The following CACNG2 variants were observed in gnomAD, a reference collection of about 807,000 sequenced individuals.
CACNG2 encodes the protein voltage-dependent calcium channel gamma-2 subunit.
In CACNG2, 3 loss-of-function variants were observed where a neutral mutation model predicts 25.9. The ratio of observed to expected loss-of-function variants is 0.12; its 90% CI spans 0.05 to 0.30. The LOEUF is 0.30. Among genes scored for constraint, CACNG2 ranks in the 10% least tolerant of loss-of-function variants. The probability of loss-of-function intolerance (pLI) is 1.00; values close to 1 mark genes in which losing one functional copy is unlikely to be tolerated. For synonymous variants in CACNG2, 167 were observed against 173.3 expected, an observed-to-expected ratio of 0.96 and a Z score of 0.29; for missense variants, 341 against 432.5, an observed-to-expected ratio of 0.79 and a Z score of 1.88.
At chr22:36,655,568 G>A (rs966096137) in intron 1 of CACNG2, among the ~76,000 whole-genome samples, 9 of 152,232 alleles carry the variant, frequency 5.9e-5, no homozygotes, top group African/African-American at 2.2e-4. Context: ...AGCTAAGACT[G>A]TGGTGGCTGG....
intron 1 of CACNG2, among the ~76,000 whole-genome samples, chr22:36,643,410 C>G (rs1017667852): frequency 2.0e-5 from 3 of 151,936 alleles, no homozygotes; most frequent in Non-Finnish European, 4.4e-5. Flanking sequence ...TAGAAATGAA[C>G]AAAATAGACA....
chr22:36,599,634 A>G (rs1416621525), intron 1 of CACNG2, among the ~76,000 whole-genome samples: 1 of 152,144 alleles, frequency 6.6e-6, no homozygotes, highest in Non-Finnish European at 1.5e-5. Context: ...TGGGAGGTTG[A>G]GGCTGCAGTG....
chr22:36,601,518 G>C (rs1207225491), intron 1 of CACNG2, among the ~76,000 whole-genome samples: 1 of 151,796 alleles, frequency 6.6e-6, no homozygotes, highest in Non-Finnish European at 1.5e-5. Context: ...TTTTGGGACA[G>C]GGTCTCCCTT....
At chr22:36,652,412 G>T (rs555450981) in intron 1 of CACNG2, among the ~76,000 whole-genome samples, 1 of 152,234 alleles carries the variant, frequency 6.6e-6, no homozygotes, top group South Asian at 2.1e-4. Flanking sequence ...AGTCTCTCGG[G>T]CCTTCTTCTC....
At chr22:36,577,853 G>A (rs1261271243) in intron 2 of CACNG2, among the ~76,000 whole-genome samples, 1 of 152,058 alleles carries the variant, frequency 6.6e-6, no homozygotes, top group Non-Finnish European at 1.5e-5. Context: ...GATGACTTCT[G>A]GAGGGGATGT....
intron 1 of CACNG2, among the ~76,000 whole-genome samples, chr22:36,662,756 G>A (rs1189916395): frequency 6.6e-6 from 1 of 152,084 alleles, no homozygotes; most frequent in East Asian, 1.9e-4. Context: ...CACCGTGCAT[G>A]CCCCTTACAA....
At chr22:36,602,899 A>G (rs2145933304) in intron 1 of CACNG2, among the ~76,000 whole-genome samples, 1 of 152,038 alleles carries the variant, frequency 6.6e-6, no homozygotes, top group African/African-American at 2.4e-5. Flanking sequence ...AGACATGACA[A>G]TACTGAAATT....
chr22:36,615,574 C>A (rs538555263), intron 1 of CACNG2, among the ~76,000 whole-genome samples: 3 of 152,240 alleles, frequency 2.0e-5, no homozygotes, highest in African/African-American at 7.2e-5. Flanking sequence ...TCTGTTCCCC[C>A]AGCTGGGTTA....
At chr22:36,679,203 T>TTTCTTTCTTTCTTTCTTTCC (rs1937061322) in intron 1 of CACNG2, among the ~76,000 whole-genome samples, 32 of 138,238 alleles carry the variant, frequency 2.3e-4, no homozygotes, top group Non-Finnish European at 4.3e-4. Context: ...CCTTCCTTTC[T>TTTCTTTCTTTCTTTCTTTCC]TTCTTTCTTT....
intron 1 of CACNG2, among the ~76,000 whole-genome samples, chr22:36,594,766 T>G (rs1362970120): frequency 1.3e-5 from 2 of 150,560 alleles, no homozygotes; most frequent in Non-Finnish European, 3.0e-5. Flanking sequence ...TGTGTGTGCG[T>G]GCATGGGTGT....
intron 1 of CACNG2, among the ~76,000 whole-genome samples, chr22:36,693,149 A>T (rs1330482976): frequency 6.6e-6 from 1 of 152,212 alleles, no homozygotes; most frequent in Non-Finnish European, 1.5e-5. Context: ...CTGTCTAAAA[A>T]AAAGAAAAAA....
At chr22:36,682,125 C>A (rs569186394) in intron 1 of CACNG2, among the ~76,000 whole-genome samples, 2 of 152,364 alleles carry the variant, frequency 1.3e-5, no homozygotes, top group South Asian at 4.1e-4. Context: ...TGCTACGAGA[C>A]AGCTCATTTC....
chr22:36,703,593 C>G lies in CACNG2; in HGVS notation c.-1017G>C, dbSNP rs1279390815. The G allele has an allele frequency of 6.6e-6, 1 of 152,490 alleles. No homozygotes were observed. Among genetic ancestry groups the G allele is most frequent in the African/African-American group, 2.4e-5 (1 of 41,384 alleles). The allele number at this position is 152,490 out of a possible 1,614,324, so 9.4% of individuals were successfully genotyped here. The stretch of plus-strand genomic sequence containing the variant: ...GCGCTCCCCGGCTGGCTCCCAGGGC[C>G]GCCCGCCAGGAGGGGGGCGCTGGCC... On this transcript the variant is annotated 5_prime_UTR_variant, in exon 1 of 4. Transcript: ENST00000300105.
rs576060759 is a variant in CACNG2, at chr22:36,603,039, A to C, written c.212-15491T>G. Among the ~76,000 whole-genome samples, 9 of 152,380 alleles carry C rather than the reference A, an allele frequency of 5.9e-5. No homozygotes were observed. The South Asian group carries it at 1.7e-3, about 28-fold the overall frequency. Reference sequence around the variant, plus strand: ...GGAAGGCATGTCATAAGCCCAGACAAGCTGAAAGCTAGGCCTCTTAAGTCA... The same window carrying C: ...GGAAGGCATGTCATAAGCCCAGACACGCTGAAAGCTAGGCCTCTTAAGTCA... On this transcript the variant is annotated intron_variant, in intron 1 of 3. Transcript: ENST00000300105.
intron 1 of CACNG2, among the ~76,000 whole-genome samples, chr22:36,649,582 G>A (rs764908650): frequency 7.9e-5 from 12 of 152,108 alleles, no homozygotes; most frequent in Non-Finnish European, 1.3e-4. Context: ...CACCACGCCC[G>A]GCCAACAGCT....
intron 1 of CACNG2, among the ~76,000 whole-genome samples, chr22:36,605,092 T>G (rs1194453579): frequency 6.6e-6 from 1 of 152,156 alleles, no homozygotes; most frequent in Non-Finnish European, 1.5e-5. Context: ...ACTTTTTTTT[T>G]GAGACAGATT....
intron 1 of CACNG2, among the ~76,000 whole-genome samples, chr22:36,695,062 A>G (rs1333153561): frequency 6.6e-6 from 1 of 152,124 alleles, no homozygotes; most frequent in Non-Finnish European, 1.5e-5. Flanking sequence ...CAAGAAACTT[A>G]AAAATGAGCC....
intron 1 of CACNG2, among the ~76,000 whole-genome samples, chr22:36,608,871 GCT>G (rs1193755519): frequency 6.6e-6 from 1 of 152,146 alleles, no homozygotes; most frequent in Non-Finnish European, 1.5e-5. Context: ...CATGCAGTGA[GCT>G]CTCAGTACCT....
At chr22:36,683,222 C>T (rs1181484308) in intron 1 of CACNG2, among the ~76,000 whole-genome samples, 1 of 152,214 alleles carries the variant, frequency 6.6e-6, no homozygotes, top group East Asian at 1.9e-4. Flanking sequence ...TGTGTTAATT[C>T]ATTCAACTGT....
Sources: gnomAD v4.1 joint callset for allele counts (sites outside exome capture counted in the v4.1 genomes callset) on GRCh38, gnomAD v4.1.1 for gene constraint, MANE v1.5 for transcripts, NCBI Gene and HGNC (gene_info 2026-07-23, HGNC 2026-07-21) for gene names.